Variants in IL7 observed in about 807,000 individuals in gnomAD.
IL7 encodes interleukin-7.
In IL7, 3 loss-of-function variants were observed where a neutral mutation model predicts 21.6. The ratio of observed to expected loss-of-function variants is 0.14; its 90% confidence interval spans 0.06 to 0.36. IL7 has a LOEUF of 0.36. Among genes scored for constraint, IL7 ranks in the 10% least tolerant of loss-of-function variants. The pLI is 1.00. For synonymous variants in IL7, 62 were observed against 68.1 expected (o/e 0.91, Z 0.44); for missense variants, 175 against 200.2 (o/e 0.87, Z 0.76).
At chr8:78,742,494 G>C (rs1264150840) in intron 2 of IL7, among the ~76,000 whole-genome samples, 10 of 151,990 alleles carry the variant, frequency 6.6e-5, no homozygotes, top group Admixed American at 6.6e-4. Context: ...CATTGGCTAA[G>C]TTCTTTTTTT....
Position 78,739,934 on chromosome 8 carries a change from G to A in IL7, c.228+68C>T, listed in dbSNP as rs916462079. 72 of 1,377,336 alleles carry A rather than the reference G, an allele frequency of 5.2e-5. No individual in the cohort carries two copies. In the Middle Eastern group the frequency reaches 1.1e-3, roughly 22 times the overall value. 85.3% of individuals were successfully genotyped at this position (1,377,336 alleles called of 1,614,324 possible). A position where few individuals can be genotyped will look rare whatever the true frequency, so the allele number is the denominator to read the frequency against. Reference sequence around the variant, plus strand: ...ATAGTATTCATATAATTGTCTAACAGAGGCACAAAAAATAGAAGCTTCTAT... The same window carrying A: ...ATAGTATTCATATAATTGTCTAACAAAGGCACAAAAAATAGAAGCTTCTAT... On this transcript the variant is annotated intron_variant, in intron 3 of 5. Coordinates refer to ENST00000263851, the MANE Select transcript of IL7 (RefSeq NM_000880.4).
intron 3 of IL7, among the ~76,000 whole-genome samples, chr8:78,725,119 T>C (rs537510047): frequency 6.6e-5 from 10 of 152,190 alleles, no homozygotes; most frequent in Admixed American, 3.3e-4. Flanking sequence ...CTAGAATTTA[T>C]AGTTTTCTAT....
At chr8:78,697,147 A>G (rs7017898) in intron 3 of IL7, among the ~76,000 whole-genome samples, 112,947 of 152,048 alleles carry the variant, frequency 0.74, 43,024 homozygotes, top group East Asian at 0.91. Flanking sequence ...GTTTCTTTCC[A>G]ATTATTTTTT....
intron 2 of IL7, chr8:78,760,075 C>T (rs1039930035): frequency 1.8e-5 from 25 of 1,422,916 alleles, no homozygotes; most frequent in Admixed American, 3.0e-5. Flanking sequence ...GATTAAGTGG[C>T]CTACATACAC....
At chr8:78,796,505 T>C (rs1563439458) in intron 2 of IL7, among the ~76,000 whole-genome samples, 3 of 151,976 alleles carry the variant, frequency 2.0e-5, no homozygotes. Context: ...TCTGTCCAGA[T>C]AATACAATTA....
intron 4 of IL7, among the ~76,000 whole-genome samples, chr8:78,680,586 A>T (rs1381919091): frequency 6.6e-6 from 1 of 152,216 alleles, no homozygotes; most frequent in African/African-American, 2.4e-5. Context: ...AAATCCTACA[A>T]AATCATAAGC....
intron 3 of IL7, among the ~76,000 whole-genome samples, chr8:78,709,459 A>G (rs1436444748): frequency 6.6e-6 from 1 of 152,206 alleles, no homozygotes; most frequent in Non-Finnish European, 1.5e-5. Context: ...GTGATAACCT[A>G]GAATTCCAGA....
chr8:78,803,976 C>G (rs1008610534), intron 1 of IL7, among the ~76,000 whole-genome samples: 7 of 152,124 alleles, frequency 4.6e-5, no homozygotes, highest in Non-Finnish European at 1.0e-4. Flanking sequence ...GCACCCTCCC[C>G]CCAGCTGTCT....
chr8:78,677,113 G>A (rs918035767), intron 4 of IL7, among the ~76,000 whole-genome samples: 10 of 152,050 alleles, frequency 6.6e-5, no homozygotes, highest in Non-Finnish European at 1.2e-4. Context: ...TGCAAGACAC[G>A]AAATAATCCA....
chr8:78,732,971 C>G lies in IL7; in HGVS notation c.*742G>C, dbSNP rs957562613. ...CAAACTTATTTAGACAAGTTATAAT[C>G]TATATAAATGACAATGTAACTCAGT... On this transcript the variant is annotated 3_prime_UTR_variant, in exon 6 of 6. Coordinates refer to ENST00000263851, the MANE Select transcript of IL7 (RefSeq NM_000880.4). 8 of 151,948 alleles carry G rather than the reference C, an allele frequency of 5.3e-5. No homozygotes were observed. Among genetic ancestry groups the G allele is most frequent in the African/African-American group, 1.7e-4 (7 of 41,404 alleles). The allele number at this position is 151,948 out of a possible 1,614,324, so 9.4% of individuals were successfully genotyped here.
chr8:78,758,869 C>T (rs1375957959), intron 2 of IL7, among the ~76,000 whole-genome samples: 2 of 151,944 alleles, frequency 1.3e-5, no homozygotes, highest in Non-Finnish European at 2.9e-5. Context: ...GATATTTTAG[C>T]TTTCTATATC....
intron 2 of IL7, among the ~76,000 whole-genome samples, chr8:78,772,846 T>A (rs1224138562): frequency 6.6e-6 from 1 of 152,070 alleles, no homozygotes; most frequent in Non-Finnish European, 1.5e-5. Flanking sequence ...TGGTGGTGGA[T>A]TAAGTCAAGA....
At chr8:78,745,746 A>G (rs1469802235) in intron 2 of IL7, among the ~76,000 whole-genome samples, 1 of 152,254 alleles carries the variant, frequency 6.6e-6, no homozygotes, top group Non-Finnish European at 1.5e-5. Context: ...TTTTCATTCC[A>G]TATGGCTGAT....
At chr8:78,678,705 A>G (rs747078820) in intron 4 of IL7, 9 of 1,528,220 alleles carry the variant, frequency 5.9e-6, no homozygotes, top group Non-Finnish European at 7.1e-6. Flanking sequence ...TTTGAACAGT[A>G]TGAACTTTGG....
At chr8:78,687,536 T>G (rs1810034396) in intron 3 of IL7, among the ~76,000 whole-genome samples, 1 of 143,778 alleles carries the variant, frequency 7.0e-6, no homozygotes, top group Non-Finnish European at 1.5e-5. Flanking sequence ...AATTATATAT[T>G]TATATAATAA....
At chr8:78,762,500 G>T (rs539523623) in intron 2 of IL7, 1 of 1,255,436 alleles carries the variant, frequency 8.0e-7, no homozygotes, top group Non-Finnish European at 1.0e-6. Flanking sequence ...CCCGCCCGTC[G>T]GGGCCGGGGA....
intron 4 of IL7, among the ~76,000 whole-genome samples, chr8:78,679,940 T>A (rs2130450454): frequency 6.6e-6 from 1 of 152,314 alleles, no homozygotes; most frequent in Non-Finnish European, 1.5e-5. Context: ...CTTCGGTAGA[T>A]AAAATTGCCA....
At chr8:78,738,044 A>G (rs1811651932) in intron 4 of IL7, among the ~76,000 whole-genome samples, 1 of 152,152 alleles carries the variant, frequency 6.6e-6, no homozygotes, top group Admixed American at 6.5e-5. Context: ...TATTTGTATC[A>G]AAATTATTTA....
intron 3 of IL7, among the ~76,000 whole-genome samples, chr8:78,697,096 A>C (rs1053153710): frequency 6.6e-6 from 1 of 152,190 alleles, no homozygotes; most frequent in Non-Finnish European, 1.5e-5. Context: ...CAATTTGTAT[A>C]ATTCAGTAGA....
Sources: gnomAD v4.1 joint callset for allele counts (sites outside exome capture counted in the v4.1 genomes callset) on GRCh38, gnomAD v4.1.1 for gene constraint, MANE v1.5 for transcripts, NCBI Gene and HGNC (gene_info 2026-07-23, HGNC 2026-07-21) for gene names.